TENM2: variants seen among roughly 807,000 people sequenced by gnomAD.
TENM2 encodes teneurin transmembrane protein 2, also known as teneurin-2.
In TENM2, 52 loss-of-function variants were observed where a neutral mutation model predicts 245.2. That is an observed-to-expected ratio of 0.21 (90% confidence interval 0.17 to 0.27). The LOEUF (loss-of-function observed/expected upper bound fraction) is 0.27. Among genes scored for constraint, TENM2 ranks in the 10% least tolerant of loss-of-function variants. TENM2 has a pLI of 1.00. For synonymous variants in TENM2, 1,363 were observed against 1,438.9 expected (o/e 0.95, Z 1.19); for missense variants, 3,046 against 3,666.8 (o/e 0.83, Z 4.37).
intron 2 of TENM2, among the ~76,000 whole-genome samples, chr5:167,450,681 C>T (rs1052119504): frequency 6.6e-6 from 1 of 152,014 alleles, no homozygotes; most frequent in Non-Finnish European, 1.5e-5. Flanking sequence ...AAGTATAATA[C>T]TTCTAGGGCC....
the TENM2 span, among the ~76,000 whole-genome samples, chr5:167,259,516 G>A: frequency 6.6e-6 from 1 of 152,156 alleles, no homozygotes; most frequent in Admixed American, 6.6e-5. Context: ...CCTCTCCAAT[G>A]GGCAAATGGT....
At chr5:167,233,318 C>G in the TENM2 span, among the ~76,000 whole-genome samples, 4 of 150,860 alleles carry the variant, frequency 2.7e-5, no homozygotes, top group Non-Finnish European at 5.9e-5. Context: ...GTATGTGTAG[C>G]TAGAGGTTTT....
At chr5:167,901,572 C>G (rs1166187941) in intron 3 of TENM2, among the ~76,000 whole-genome samples, 1 of 152,160 alleles carries the variant, frequency 6.6e-6, no homozygotes, top group African/African-American at 2.4e-5. Flanking sequence ...AGGAGCAATA[C>G]TCATAACATC....
intron 5 of TENM2, among the ~76,000 whole-genome samples, chr5:168,005,455 C>T (rs1043608794): frequency 5.3e-5 from 8 of 152,204 alleles, no homozygotes; most frequent in African/African-American, 1.7e-4. Flanking sequence ...ATTCATAACA[C>T]ACTACCACTG....
At chr5:168,100,938 AAAAGAC>A (rs1432625423) in intron 9 of TENM2, among the ~76,000 whole-genome samples, 6 of 151,532 alleles carry the variant, frequency 4.0e-5, no homozygotes, top group Non-Finnish European at 7.4e-5. Flanking sequence ...AAAAAAAAAA[AAAAGAC>A]AAGATGCTGC....
intron 2 of TENM2, among the ~76,000 whole-genome samples, chr5:167,813,267 A>G (rs1583074259): frequency 6.6e-6 from 1 of 152,230 alleles, no homozygotes; most frequent in East Asian, 1.9e-4. Context: ...CAGCAGTGAA[A>G]TAAAGAAGTG....
chr5:167,315,922 G>T (rs974631139), intron 1 of TENM2, among the ~76,000 whole-genome samples: 1 of 152,148 alleles, frequency 6.6e-6, no homozygotes, highest in African/African-American at 2.4e-5. Flanking sequence ...GTGAAATAGA[G>T]ACCTTGGGTC....
chr5:167,814,689 C>CAT (rs1172788399), intron 2 of TENM2, among the ~76,000 whole-genome samples: 1 of 150,676 alleles, frequency 6.6e-6, no homozygotes, highest in Non-Finnish European at 1.5e-5. Flanking sequence ...ATATTACATA[C>CAT]ATATATATAG....
chr5:168,072,765 G>A (rs1791131336), intron 7 of TENM2, among the ~76,000 whole-genome samples: 1 of 152,154 alleles, frequency 6.6e-6, no homozygotes, highest in East Asian at 1.9e-4. Flanking sequence ...TAATGCCCAG[G>A]AAATGGTAAG....
chr5:167,383,838 T>C (rs1354882435), intron 2 of TENM2, among the ~76,000 whole-genome samples: 1 of 152,106 alleles, frequency 6.6e-6, no homozygotes, highest in Non-Finnish European at 1.5e-5. Context: ...TTTATTGGTA[T>C]ATGTATATAC....
intron 2 of TENM2, among the ~76,000 whole-genome samples, chr5:167,534,547 T>G (rs1771725471): frequency 6.6e-6 from 1 of 152,206 alleles, no homozygotes; most frequent in African/African-American, 2.4e-5. Context: ...AAATCCAAAT[T>G]TAACTGGGTG....
At chr5:167,682,192 T>C (rs1022872283) in intron 2 of TENM2, among the ~76,000 whole-genome samples, 1 of 150,996 alleles carries the variant, frequency 6.6e-6, no homozygotes, top group African/African-American at 2.4e-5. Flanking sequence ...TTTCTTTCTT[T>C]TGCTCTGTTG....
chr5:167,850,246 A>G (rs549687903), intron 2 of TENM2, among the ~76,000 whole-genome samples: 2 of 152,352 alleles, frequency 1.3e-5, no homozygotes, highest in South Asian at 2.1e-4. Flanking sequence ...ACAATATCAC[A>G]GTAACATGTT....
intron 3 of TENM2, among the ~76,000 whole-genome samples, chr5:167,936,598 A>G (rs1276592499): frequency 6.6e-6 from 1 of 152,196 alleles, no homozygotes; most frequent in Non-Finnish European, 1.5e-5. Flanking sequence ...AAGCAAGTCT[A>G]TCCTATTCTT....
chr5:167,188,830 C>G, the TENM2 span, among the ~76,000 whole-genome samples: 10 of 151,970 alleles, frequency 6.6e-5, no homozygotes, highest in African/African-American at 2.4e-4. Context: ...ACGATCGAGA[C>G]AAATAAGATG....
intron 1 of TENM2, among the ~76,000 whole-genome samples, chr5:167,324,547 T>A (rs535495446): frequency 6.6e-6 from 1 of 152,220 alleles, no homozygotes; most frequent in Non-Finnish European, 1.5e-5. Flanking sequence ...TGTGAGAGTG[T>A]GTGTAATTCC....
chr5:167,722,947 G>A (rs1330074892), intron 2 of TENM2, among the ~76,000 whole-genome samples: 2 of 152,166 alleles, frequency 1.3e-5, no homozygotes, highest in East Asian at 1.9e-4. Context: ...AGAGTGTGAT[G>A]AGGCAACCAA....
the TENM2 span, among the ~76,000 whole-genome samples, chr5:167,080,896 G>C: frequency 6.6e-6 from 1 of 151,944 alleles, no homozygotes; most frequent in African/African-American, 2.4e-5. Flanking sequence ...GGGCAAAAAG[G>C]ACATACCAGA....
At chr5:167,628,625 A>C (rs1048801565) in intron 2 of TENM2, among the ~76,000 whole-genome samples, 1 of 152,168 alleles carries the variant, frequency 6.6e-6, no homozygotes, top group Non-Finnish European at 1.5e-5. Context: ...AGGATGACAC[A>C]GTACAAGGTG....
Sources: gnomAD v4.1 joint callset for allele counts (sites outside exome capture counted in the v4.1 genomes callset) on GRCh38, gnomAD v4.1.1 for gene constraint, MANE v1.5 for transcripts, NCBI Gene and HGNC (gene_info 2026-07-23, HGNC 2026-07-21) for gene names.